The following DTNA variants were observed in gnomAD, a reference collection of about 807,000 sequenced individuals.
DTNA encodes dystrobrevin alpha, also known as dystrophin-related protein 3.
DTNA carries 43 observed loss-of-function variants against 100.7 expected under a neutral mutation model. The observed-to-expected ratio is 0.43, with a 90% confidence interval of 0.33 to 0.55. The LOEUF (loss-of-function observed/expected upper bound fraction) is 0.55, where lower values mean the gene tolerates loss of function less well. Ranked by LOEUF, DTNA falls within the 20% of genes least tolerant of loss-of-function variation. DTNA has a pLI of 0.04. For synonymous variants in DTNA, 349 were observed against 347.9 expected, an observed-to-expected ratio of 1.00 and a Z score of -0.04; for missense variants, 798 against 953.9, an observed-to-expected ratio of 0.84 and a Z score of 2.15.
rs79959826 is a variant in DTNA at position 34,607,781 on chromosome 18, G to A, written c.-2+114267G>A. On this transcript the variant is annotated intron_variant, in intron 1 of 19. Transcript: ENST00000283365. ...AGTTCTGGGTTTTGCTGGAAATTGGGGTACTTTGTTTCCCATGCATTCACA... is the reference window on the plus strand; with the variant it reads ...AGTTCTGGGTTTTGCTGGAAATTGGAGTACTTTGTTTCCCATGCATTCACA... Among the ~76,000 whole-genome samples the A allele has an allele frequency of 4.1e-3, 620 of 152,232 alleles. 3 individuals carry two copies. Among genetic ancestry groups the A allele is most frequent in the Non-Finnish European group, 6.9e-3 (470 of 68,014 alleles).
At chr18:34,616,447 T>C (rs1469148323) in intron 1 of DTNA, among the ~76,000 whole-genome samples, 1 of 152,222 alleles carries the variant, frequency 6.6e-6, no homozygotes, top group Non-Finnish European at 1.5e-5. Flanking sequence ...ATACAATATT[T>C]GCAAACTATG....
chr18:34,674,261 A>G (rs1198263666), intron 1 of DTNA, among the ~76,000 whole-genome samples: 4 of 152,198 alleles, frequency 2.6e-5, no homozygotes, highest in African/African-American at 9.6e-5. Context: ...GGATGTGAAC[A>G]ACTAAACTGT....
Position 34,736,964 on chromosome 18 carries a change from C to T in DTNA, c.-1-19012C>T, listed in dbSNP as rs78454674. Among the ~76,000 whole-genome samples the T allele has an allele frequency of 8.7e-3, 1,326 of 152,324 alleles. 48 individuals are homozygous for T. Among genetic ancestry groups the T allele is most frequent in the East Asian group, 0.055 (287 of 5,184 alleles). On this transcript the variant is annotated intron_variant, in intron 1 of 22. Coordinates refer to ENST00000444659, the MANE Select transcript of DTNA (RefSeq NM_001386795.1). ...AGTTTTGTGAGAAAGGCACATAGTG[C>T]AGGCAACATTTCTCACTTGGTATGG...
At chr18:34,610,039 T>A (rs1016202432) in intron 1 of DTNA, among the ~76,000 whole-genome samples, 9 of 152,296 alleles carry the variant, frequency 5.9e-5, no homozygotes, top group South Asian at 4.1e-4. Context: ...TATATATTAT[T>A]TTCAGTCAGG....
intron 3 of DTNA, among the ~76,000 whole-genome samples, chr18:34,792,118 T>C (rs1470099806): frequency 6.6e-6 from 1 of 152,086 alleles, no homozygotes; most frequent in Non-Finnish European, 1.5e-5. Context: ...GTTTAAGGAT[T>C]TGCATAATCT....
intron 1 of DTNA, among the ~76,000 whole-genome samples, chr18:34,643,557 T>C (rs925659342): frequency 6.6e-6 from 1 of 152,244 alleles, no homozygotes; most frequent in African/African-American, 2.4e-5. Context: ...TTTATTATTC[T>C]CTGCAGGTGT....
At chr18:34,867,905 C>T (rs2096723970) in intron 17 of DTNA, 11 of 985,398 alleles carry the variant, frequency 1.1e-5, no homozygotes, top group Non-Finnish European at 1.3e-5. Context: ...AGGACCAGGG[C>T]CCACGTCACC....
chr18:34,629,204 A>G (rs116128062), intron 1 of DTNA, among the ~76,000 whole-genome samples: 2,529 of 152,290 alleles, frequency 0.017, 54 homozygotes, highest in African/African-American at 0.049. Context: ...AAAAAAGCTT[A>G]CTACATTATT....
intron 1 of DTNA, among the ~76,000 whole-genome samples, chr18:34,554,379 C>T (rs2045796821): frequency 1.4e-5 from 2 of 147,004 alleles, no homozygotes; most frequent in African/African-American, 5.2e-5. Context: ...CTTCTCCTGC[C>T]TAATTGCCCT....
chr18:34,683,977 C>A (rs1472278568), intron 1 of DTNA, among the ~76,000 whole-genome samples: 1 of 152,074 alleles, frequency 6.6e-6, no homozygotes, highest in African/African-American at 2.4e-5. Context: ...TTGGGGTACA[C>A]ATATGTGGGA....
intron 1 of DTNA, among the ~76,000 whole-genome samples, chr18:34,596,969 A>G (rs1231495024): frequency 1.3e-5 from 2 of 152,060 alleles, no homozygotes; most frequent in Non-Finnish European, 2.9e-5. Flanking sequence ...CGTCATCTAC[A>G]TCACGTATTT....
intron 13 of DTNA, among the ~76,000 whole-genome samples, chr18:34,848,024 A>G (rs2096410927): frequency 6.6e-6 from 1 of 152,252 alleles, no homozygotes; most frequent in Non-Finnish European, 1.5e-5. Flanking sequence ...TCTTCTGATC[A>G]GATGTATTGA....
At chr18:34,713,513 C>T (rs1245545488) in intron 1 of DTNA, among the ~76,000 whole-genome samples, 1 of 151,804 alleles carries the variant, frequency 6.6e-6, no homozygotes, top group African/African-American at 2.4e-5. Context: ...GGTACCAGTA[C>T]CATGCTGTTT....
intron 1 of DTNA, among the ~76,000 whole-genome samples, chr18:34,648,931 T>C (rs1311144526): frequency 6.6e-6 from 1 of 152,230 alleles, no homozygotes; most frequent in Non-Finnish European, 1.5e-5. Context: ...TTGGACAATC[T>C]TTAATATTTT....
At chr18:34,740,597 C>A (rs57515018) in intron 1 of DTNA, among the ~76,000 whole-genome samples, 13,829 of 151,958 alleles carry the variant, frequency 0.091, 628 homozygotes, top group South Asian at 0.11. Context: ...TGAGAGCAGC[C>A]TGGGTGACAT....
Position 34,829,492 on chromosome 18 carries a change from C to G in DTNA, c.1175+3C>G. 6.6e-7 allele frequency: 1 copy of G among 1,514,226 alleles called. No homozygotes were observed. The highest frequency in any genetic ancestry group is 8.8e-7 in the Non-Finnish European group (1 of 1,131,228). 93.8% of individuals were successfully genotyped at this position (1,514,226 alleles called of 1,614,324 possible). The stretch of plus-strand genomic sequence containing the variant: ...AATCAGCTTGATCACGGTGCACGGT[C>G]AGTATCCCAGCCCTGAATTGCTAAT... On this transcript the variant is annotated splice_donor_region_variant and intron_variant, in intron 11 of 22. Coordinates refer to ENST00000444659, the MANE Select transcript of DTNA (RefSeq NM_001386795.1).
intron 1 of DTNA, among the ~76,000 whole-genome samples, chr18:34,713,169 A>G (rs1056785166): frequency 1.3e-5 from 2 of 152,178 alleles, no homozygotes; most frequent in African/African-American, 4.8e-5. Context: ...GATAATGATA[A>G]CGACAATAAT....
At chr18:34,749,149 G>C (rs764034785) in intron 1 of DTNA, among the ~76,000 whole-genome samples, 5 of 152,106 alleles carry the variant, frequency 3.3e-5, no homozygotes, top group Non-Finnish European at 7.4e-5. Flanking sequence ...CAATGCTACT[G>C]ATTTGTGTAC....
At chr18:34,531,367 T>A (rs2043124299) in intron 1 of DTNA, among the ~76,000 whole-genome samples, 1 of 152,154 alleles carries the variant, frequency 6.6e-6, no homozygotes, top group Non-Finnish European at 1.5e-5. Context: ...GATACGTTCA[T>A]AACTCTGATA....
Sources: allele counts gnomAD v4.1 joint callset (sites outside exome capture counted in the v4.1 genomes callset), GRCh38; gene constraint gnomAD v4.1.1; transcripts MANE v1.5; gene names NCBI Gene and HGNC (gene_info 2026-07-23, HGNC 2026-07-21).